The following GRM8 variants were observed in gnomAD, a reference collection of about 807,000 sequenced individuals.
GRM8 encodes metabotropic glutamate receptor 8.
Under a neutral mutation model 87.2 loss-of-function variants are expected in GRM8, and 47 were observed. That is an observed-to-expected ratio of 0.54 (90% CI 0.43 to 0.69). The LOEUF (loss-of-function observed/expected upper bound fraction) is 0.69, where lower values mean the gene tolerates loss of function less well. Among genes scored for constraint, GRM8 ranks in the 30% least tolerant of loss-of-function variants. The pLI is 0.00. For synonymous variants in GRM8, 396 were observed against 404.5 expected (o/e 0.98, Z 0.25); for missense variants, 1,019 against 1,139.2 (o/e 0.89, Z 1.52).
At chr7:126,639,883 T>A (rs1016422668) in intron 7 of GRM8, among the ~76,000 whole-genome samples, 18 of 152,332 alleles carry the variant, frequency 1.2e-4, no homozygotes, top group African/African-American at 4.1e-4. Context: ...AAGAATCATT[T>A]ACCACATCTT....
chr7:126,576,790 G>T (rs1401436436), intron 8 of GRM8, among the ~76,000 whole-genome samples: 1 of 152,056 alleles, frequency 6.6e-6, no homozygotes, highest in Non-Finnish European at 1.5e-5. Context: ...ATGTCAATGA[G>T]CTCCAGTCTG....
intron 6 of GRM8, among the ~76,000 whole-genome samples, chr7:126,813,434 A>T (rs1333649562): frequency 6.6e-6 from 1 of 152,130 alleles, no homozygotes; most frequent in African/African-American, 2.4e-5. Context: ...CATTTCACAC[A>T]GATCATCTCT....
At chr7:126,462,914 A>C (rs1272226806) in intron 9 of GRM8, among the ~76,000 whole-genome samples, 1 of 151,622 alleles carries the variant, frequency 6.6e-6, no homozygotes, top group Non-Finnish European at 1.5e-5. Flanking sequence ...GGGAAAAGGG[A>C]TGTGGCATAG....
intron 8 of GRM8, among the ~76,000 whole-genome samples, chr7:126,539,032 C>T (rs1008546682): frequency 3.3e-5 from 5 of 151,702 alleles, no homozygotes; most frequent in Admixed American, 6.6e-5. Context: ...CAAAGTGGCC[C>T]GTGTCCTTTG....
intron 2 of GRM8, among the ~76,000 whole-genome samples, chr7:127,240,817 G>A (rs1360873965): frequency 2.0e-5 from 3 of 151,988 alleles, no homozygotes; most frequent in Non-Finnish European, 2.9e-5. Context: ...TAGCTGGGAG[G>A]AATACTAGAT....
intron 3 of GRM8, among the ~76,000 whole-genome samples, chr7:126,932,721 C>A (rs1805890824): frequency 6.6e-6 from 1 of 152,048 alleles, no homozygotes; most frequent in Non-Finnish European, 1.5e-5. Flanking sequence ...TCAGGTCTTA[C>A]AAATTAGGAT....
At chr7:126,755,943 A>G (rs1816956358) in intron 7 of GRM8, among the ~76,000 whole-genome samples, 1 of 152,154 alleles carries the variant, frequency 6.6e-6, no homozygotes, top group Admixed American at 6.6e-5. Context: ...AATATTTTCC[A>G]TGGGTAATTC....
At chr7:126,686,203 T>A (rs543422240) in intron 7 of GRM8, among the ~76,000 whole-genome samples, 4 of 152,204 alleles carry the variant, frequency 2.6e-5, no homozygotes, top group Admixed American at 6.5e-5. Flanking sequence ...AGCTGCCCAC[T>A]GAGAGTCTCT....
chr7:126,651,909 C>G (rs1038324036), intron 7 of GRM8, among the ~76,000 whole-genome samples: 1 of 152,192 alleles, frequency 6.6e-6, no homozygotes, highest in Non-Finnish European at 1.5e-5. Context: ...GGCCAAGACC[C>G]TTCAGGAATG....
In GRM8 at chr7:126,580,255, C is replaced by T. The variant is rs531431662; in HGVS notation, c.1494+29107G>A. The stretch of plus-strand genomic sequence containing the variant: ...GCCATGTTCCAAGTTGAAATCCAAA[C>T]TCCAAAATTTTCTTTTTAAATAGGA... On this transcript the variant is annotated intron_variant, in intron 8 of 10. Coordinates refer to ENST00000339582, the MANE Select transcript of GRM8 (RefSeq NM_000845.3). Among the ~76,000 whole-genome samples, 8 of 152,182 alleles carry T rather than the reference C, an allele frequency of 5.3e-5. No individual in the cohort carries two copies. The South Asian group carries it at 1.5e-3, about 28-fold the overall frequency.
At chr7:126,759,572 T>G (rs764312107) in intron 7 of GRM8, among the ~76,000 whole-genome samples, 53 of 152,156 alleles carry the variant, frequency 3.5e-4, no homozygotes, top group Non-Finnish European at 4.0e-4. Flanking sequence ...GACCTGGCAC[T>G]GCTGAAAATA....
intron 3 of GRM8, chr7:127,080,656 A>T (rs1401583113): frequency 6.6e-6 from 1 of 152,202 alleles, no homozygotes; most frequent in Non-Finnish European, 1.5e-5. Flanking sequence ...CTTAAAAAAA[A>T]AAATGGAGAG....
At chr7:126,938,126 T>C (rs549706620) in intron 3 of GRM8, among the ~76,000 whole-genome samples, 22 of 152,306 alleles carry the variant, frequency 1.4e-4, no homozygotes, top group African/African-American at 5.3e-4. Flanking sequence ...AATATGAATT[T>C]TAGCCAATGG....
intron 2 of GRM8, among the ~76,000 whole-genome samples, chr7:127,145,584 G>T (rs989656510): frequency 1.3e-5 from 2 of 152,084 alleles, no homozygotes; most frequent in Admixed American, 1.3e-4. Context: ...TACACTAGGG[G>T]TAGCTAATTG....
chr7:126,475,608 GA>G (rs1805807631), intron 9 of GRM8, among the ~76,000 whole-genome samples: 1 of 151,930 alleles, frequency 6.6e-6, no homozygotes, highest in Non-Finnish European at 1.5e-5. Flanking sequence ...ATAGAAATAG[GA>G]AAAAATAATC....
chr7:126,878,347 C>T (rs1461291762), intron 6 of GRM8, among the ~76,000 whole-genome samples: 3 of 152,110 alleles, frequency 2.0e-5, no homozygotes, highest in Non-Finnish European at 2.9e-5. Flanking sequence ...GTTCAGAGTC[C>T]TCCAGAAGCT....
intron 8 of GRM8, among the ~76,000 whole-genome samples, chr7:126,554,145 A>T (rs190098707): frequency 9.2e-5 from 14 of 152,294 alleles, no homozygotes; most frequent in Admixed American, 8.5e-4. Flanking sequence ...TATTAGTTTC[A>T]GTGTAAAGGA....
intron 6 of GRM8, among the ~76,000 whole-genome samples, chr7:126,872,238 G>A (rs1030318570): frequency 2.0e-5 from 3 of 152,100 alleles, no homozygotes; most frequent in African/African-American, 7.2e-5. Flanking sequence ...GGGCTGTTCT[G>A]CCCTATCTCT....
chr7:126,638,624 C>T (rs1410538049), intron 7 of GRM8, among the ~76,000 whole-genome samples: 1 of 152,148 alleles, frequency 6.6e-6, no homozygotes, highest in African/African-American at 2.4e-5. Context: ...GAATGGAGTA[C>T]CATAGAGAGG....
Sources: gnomAD v4.1 joint callset for allele counts (sites outside exome capture counted in the v4.1 genomes callset) on GRCh38, gnomAD v4.1.1 for gene constraint, MANE v1.5 for transcripts, NCBI Gene and HGNC (gene_info 2026-07-23, HGNC 2026-07-21) for gene names.